ATMIN: variants seen among roughly 807,000 people sequenced by gnomAD.
ATMIN encodes ATM interactor.
In ATMIN, 24 loss-of-function variants were observed where a neutral mutation model predicts 49.2. The observed-to-expected ratio is 0.49, with a 90% CI of 0.35 to 0.69. The LOEUF is 0.69. Ranked by LOEUF, ATMIN falls within the 30% of genes least tolerant of loss-of-function variation. The pLI is 0.00. For missense variants in ATMIN, 1,037 were observed against 1,005.5 expected (o/e 1.03, Z -0.42); for synonymous variants, 450 against 392.5 (o/e 1.15, Z -1.73).
rs553812009 is a variant in ATMIN at position 81,045,442 on chromosome 16, G to T, written c.*472G>T. The T allele has an allele frequency of 2.7e-3, 420 of 157,234 alleles. 3 individuals are homozygous for T. Among genetic ancestry groups the T allele is most frequent in the Non-Finnish European group, 3.4e-3 (243 of 71,396 alleles). 9.7% of individuals were successfully genotyped at this position (157,234 alleles called of 1,614,324 possible). ...ACTAAAGAAACCGGATGCTGCCACC[G>T]TAGGATTTAAGCAGTAGTGCTTCCA... On this transcript the variant is annotated 3_prime_UTR_variant, in exon 4 of 4. Transcript: ENST00000299575.
Position 81,036,182 on chromosome 16 carries a change from C to T in ATMIN, c.312C>T (p.His104=), listed in dbSNP as rs1178200792. The T allele has an allele frequency of 2.0e-6, 3 of 1,466,636 alleles. No individual in the cohort carries two copies. The highest frequency in any genetic ancestry group is 2.1e-5 in the Admixed American group (1 of 48,254). The allele number at this position is 1,466,636 out of a possible 1,614,324, so 90.9% of individuals were successfully genotyped here. A position where few individuals can be genotyped will look rare whatever the true frequency, so the allele number is the denominator to read the frequency against. Residue 104 remains histidine, a synonymous_variant, in exon 1 of 4, where the codon CAC becomes CAT. Transcript: ENST00000299575. ...ILPNSPALNM[H]LVKSHRLQDG... is the part of the protein sequence containing the mutation. Reference sequence around the variant, plus strand: ...CCAACAGCCCCGCGCTCAACATGCACCTAGTCAAGAGCCACCGCCTGCAGG... The same window carrying T: ...CCAACAGCCCCGCGCTCAACATGCATCTAGTCAAGAGCCACCGCCTGCAGG...
Position 81,043,880 on chromosome 16 carries a change from C to G in ATMIN, c.1382C>G (p.Thr461Arg), listed in dbSNP as rs147920959. 1 of 1,614,182 alleles carries G rather than the reference C, an allele frequency of 6.2e-7. No homozygotes were observed. Among genetic ancestry groups the G allele is most frequent in the Admixed American group, 1.7e-5 (1 of 60,026 alleles). Reference sequence around the variant, plus strand: ...CTTCCCATTAGTGTTCACACTCAGACATTTTTGCCCAGCTCTAAGGTAACT... The same window carrying G: ...CTTCCCATTAGTGTTCACACTCAGAGATTTTTGCCCAGCTCTAAGGTAACT... ...VSLPISVHTQ[T>R]FLPSSKVTSS... The change falls in exon 4 of 4, where the codon ACA (threonine) becomes AGA (arginine). Residue 461 changes from threonine to arginine, a missense_variant. Coordinates refer to ENST00000299575, the MANE Select transcript of ATMIN (RefSeq NM_015251.3).
In ATMIN at chr16:81,036,127, G is replaced by T; in HGVS notation, c.257G>T (p.Cys86Phe). The change falls in exon 1 of 4, where the codon TGC (cysteine) becomes TTC (phenylalanine). Residue 86 changes from cysteine to phenylalanine, a missense_variant. Transcript: ENST00000299575. Reference sequence around the variant, plus strand: ...CGGGCCGTGCGGACCAACATCCTGTGCACCGTGCGCGGCTGCGGCAAGATC... The same window carrying T: ...CGGGCCGTGCGGACCAACATCCTGTTCACCGTGCGCGGCTGCGGCAAGATC... Reference protein sequence around the residue: ...LSRAVRTNILCTVRGCGKILP... With the variant: ...LSRAVRTNILFTVRGCGKILP... 6.8e-7 allele frequency: 1 copy of T among 1,463,044 alleles called. No homozygotes were observed. Among genetic ancestry groups the T allele is most frequent in the Non-Finnish European group, 9.1e-7 (1 of 1,099,918 alleles). 90.6% of individuals were successfully genotyped at this position (1,463,044 alleles called of 1,614,324 possible).
chr16:81,043,333 A>G lies in ATMIN; in HGVS notation c.835A>G (p.Thr279Ala), dbSNP rs548482807. 6.2e-7 allele frequency: 1 copy of G among 1,614,032 alleles called. No homozygotes were observed. ...TTTTGAAGACTCTTGTGGCTCTAAC[A>G]CTGACAAGCAGACTCTTACAACACC... ...PSFEDSCGSN[T>A]DKQTLTTPPR... Residue 279 changes from threonine to alanine, a missense_variant, in exon 4 of 4, where the codon ACT becomes GCT. Physicochemically the swap from Thr to Ala is moderately conservative, Grantham distance 58. Coordinates refer to ENST00000299575, the MANE Select transcript of ATMIN (RefSeq NM_015251.3).
In ATMIN at chr16:81,044,574, T is replaced by C. The variant is rs1212613211; in HGVS notation, c.2076T>C (p.Ser692=). 4 of 1,613,982 alleles carry C rather than the reference T, an allele frequency of 2.5e-6. No homozygotes were observed. The South Asian group carries it at 3.3e-5, about 13-fold the overall frequency. The change falls in exon 4 of 4, where the codon TCT becomes TCC. Residue 692 remains serine, a synonymous_variant. Transcript: ENST00000299575. ...AGTCCTATGGGTGTAGGGGAAATTCTAACTTCTTAGGCCTTGAGATGTTTG... is the reference window on the plus strand; with the variant it reads ...AGTCCTATGGGTGTAGGGGAAATTCCAACTTCTTAGGCCTTGAGATGTTTG... ...SAQSYGCRGN[S]NFLGLEMFDT... is the part of the protein sequence containing the mutation.
intron 1 of ATMIN, among the ~76,000 whole-genome samples, chr16:81,039,849 G>A (rs1251689465): frequency 6.6e-6 from 1 of 152,238 alleles, no homozygotes; most frequent in African/African-American, 2.4e-5. Flanking sequence ...GGAAAGGAAA[G>A]GTTCCAAGTT....
At chr16:81,040,951 G>A in intron 1 of ATMIN, 1 of 199,964 alleles carries the variant, frequency 5.0e-6, no homozygotes, top group Non-Finnish European at 1.0e-5. Flanking sequence ...ACACACTACA[G>A]GGGAGCATGA....
Position 81,044,777 on chromosome 16 carries a change from T to G in ATMIN, c.2279T>G (p.Leu760Trp). The change falls in exon 4 of 4, where the codon TTG becomes TGG. Residue 760 changes from leucine to tryptophan, a missense_variant. Coordinates refer to ENST00000299575, the MANE Select transcript of ATMIN (RefSeq NM_015251.3). ...CCTGCTCTAGAAAGCAAAGTTCAGT[T>G]GAACAGTACAGAAACACAGACCATG... The part of the protein sequence containing the change: ...NIPALESKVQ[L>W]NSTETQTMSS... The G allele has an allele frequency of 1.2e-6, 2 of 1,614,164 alleles. No homozygotes were observed. The highest frequency in any genetic ancestry group is 1.7e-6 in the Non-Finnish European group (2 of 1,180,030).
Position 81,044,063 on chromosome 16 carries a change from A to G in ATMIN, c.1565A>G (p.His522Arg), listed in dbSNP as rs1971080135. Reference sequence around the variant, plus strand: ...TGCGGAGACATTTTTGAGAGTGTTCATTCATCATATAATGTTGCTACAGGT... The same window carrying G: ...TGCGGAGACATTTTTGAGAGTGTTCGTTCATCATATAATGTTGCTACAGGT... ...GMCGDIFESV[H>R]SSYNVATGNI... Residue 522 changes from histidine (H) to arginine (R), a missense_variant, in exon 4 of 4, where the codon CAT (histidine) becomes CGT (arginine). Transcript: ENST00000299575. 2 of 1,614,248 alleles carry G rather than the reference A, an allele frequency of 1.2e-6. No individual in the cohort carries two copies. Among genetic ancestry groups the G allele is most frequent in the Middle Eastern group, 1.6e-4 (1 of 6,062 alleles).
rs556536314 is a variant in ATMIN, at chr16:81,047,277, CTT to C, written c.*2308_*2309del. 5.3e-5 allele frequency: 8 copies of C among 152,228 alleles called. No individual in the cohort carries two copies. The highest frequency in any genetic ancestry group is 3.9e-4 in the East Asian group (2 of 5,192). 9.4% of individuals were successfully genotyped at this position (152,228 alleles called of 1,614,324 possible). ...TTCTTGAACGTACTCATAAATATGA[CTT>C]ATTGTATTGCCTTAAGTTTTCACTC... On this transcript the variant is annotated 3_prime_UTR_variant, in exon 4 of 4. Transcript: ENST00000299575.
chr16:81,038,408 G>A (rs1253637295), intron 1 of ATMIN, among the ~76,000 whole-genome samples: 1 of 152,126 alleles, frequency 6.6e-6, no homozygotes, highest in Non-Finnish European at 1.5e-5. Context: ...TGGGATTACA[G>A]GTGTGAGCCA....
In ATMIN at chr16:81,045,086, A is replaced by G; in HGVS notation, c.*116A>G. 1 of 1,360,942 alleles carries G rather than the reference A, an allele frequency of 7.3e-7. No individual in the cohort carries two copies. Among genetic ancestry groups the G allele is most frequent in the Non-Finnish European group, 9.9e-7 (1 of 1,007,882 alleles). The allele number at this position is 1,360,942 out of a possible 1,614,324, so 84.3% of individuals were successfully genotyped here. A position where few individuals can be genotyped will look rare whatever the true frequency, so the allele number is the denominator to read the frequency against. On this transcript the variant is annotated 3_prime_UTR_variant, in exon 4 of 4. Coordinates refer to ENST00000299575, the MANE Select transcript of ATMIN (RefSeq NM_015251.3). ...AATGTGGCTGATGATGCAGTTGCTT[A>G]GCTTCTTTGTGTTTCTTTGCCTTTT... is the stretch of plus-strand genomic sequence containing the variant.
intron 1 of ATMIN, among the ~76,000 whole-genome samples, chr16:81,039,707 G>T (rs1053652455): frequency 3.3e-5 from 5 of 152,226 alleles, no homozygotes; most frequent in Admixed American, 6.5e-5. Flanking sequence ...TGTGAAAGCA[G>T]TGGAGGGGAC....
Position 81,042,286 on chromosome 16 carries a change from T to C in ATMIN, c.468T>C (p.Phe156=), listed in dbSNP as rs949509924. 1.5e-5 allele frequency: 24 copies of C among 1,612,890 alleles called. No homozygotes were observed. The Middle Eastern group carries it at 5.7e-4, about 38-fold the overall frequency. ...CCCTTCTGCGTTCCTCCTAGCACTT[T>C]ATGAAAATGCATGCTGAGAAGAAGC... ...FSQFSLVKQH[F]MKMHAEKKHK... is the part of the protein sequence containing the mutation. Residue 156 remains phenylalanine (F), a synonymous_variant, in exon 3 of 4, where the codon TTT becomes TTC. Transcript: ENST00000299575.
At chr16:81,041,959 G>A (rs1303854900) in intron 2 of ATMIN, among the ~76,000 whole-genome samples, 1 of 152,216 alleles carries the variant, frequency 6.6e-6, no homozygotes, top group Admixed American at 6.5e-5. Flanking sequence ...CTGAGGGTCT[G>A]CTGGAGGGCG....
At position 81,043,147 on chromosome 16, in the gene ATMIN, G is replaced by A. The variant is rs776766402; in HGVS notation, c.663-14G>A. On this transcript the variant is annotated splice_polypyrimidine_tract_variant and intron_variant, in intron 3 of 3. Coordinates refer to ENST00000299575, the MANE Select transcript of ATMIN (RefSeq NM_015251.3). ...TATTTTAAGGTTTTCTTTTTGCTCTGTCATTGTTTTCAGGGACCCACCTAG... is the reference window on the plus strand; with the variant it reads ...TATTTTAAGGTTTTCTTTTTGCTCTATCATTGTTTTCAGGGACCCACCTAG... The A allele has an allele frequency of 3.2e-6, 5 of 1,582,844 alleles. No homozygotes were observed. Among genetic ancestry groups the A allele is most frequent in the Non-Finnish European group, 3.4e-6 (4 of 1,169,628 alleles).
rs1018293158 is a variant in ATMIN at position 81,046,880 on chromosome 16, T to A, written c.*1910T>A. The stretch of plus-strand genomic sequence containing the variant: ...TCCCGGGCAGATGAGCTCAACCTAG[T>A]AGGTAAGAGTTTGGTTTGGTCACAG... On this transcript the variant is annotated 3_prime_UTR_variant, in exon 4 of 4. Coordinates refer to ENST00000299575, the MANE Select transcript of ATMIN (RefSeq NM_015251.3). The A allele has an allele frequency of 2.0e-5, 3 of 152,640 alleles. No homozygotes were observed. The highest frequency in any genetic ancestry group is 7.2e-5 in the African/African-American group (3 of 41,458). The allele number at this position is 152,640 out of a possible 1,614,324, so 9.5% of individuals were successfully genotyped here. A position where few individuals can be genotyped will look rare whatever the true frequency, so the allele number is the denominator to read the frequency against.
intron 1 of ATMIN, among the ~76,000 whole-genome samples, chr16:81,036,779 C>G (rs767929842): frequency 3.9e-5 from 6 of 152,146 alleles, no homozygotes; most frequent in Non-Finnish European, 5.9e-5. Context: ...ATGTTAAACA[C>G]TCTGACTTGA....
rs1971119309 is a variant in ATMIN at position 81,046,337 on chromosome 16, A to T, written c.*1367A>T. On this transcript the variant is annotated 3_prime_UTR_variant, in exon 4 of 4. Coordinates refer to ENST00000299575, the MANE Select transcript of ATMIN (RefSeq NM_015251.3). ...TAAAGTGAATTTCCTTCCATTCACC[A>T]TTCTTTATCTTTTCTTTGAATAAGA... The T allele has an allele frequency of 6.6e-6, 1 of 152,102 alleles. No homozygotes were observed. 9.4% of individuals were successfully genotyped at this position (152,102 alleles called of 1,614,324 possible).
Sources: gnomAD v4.1 joint callset for allele counts (sites outside exome capture counted in the v4.1 genomes callset) on GRCh38, gnomAD v4.1.1 for gene constraint, MANE v1.5 for transcripts, NCBI Gene and HGNC (gene_info 2026-07-23, HGNC 2026-07-21) for gene names.